The following CEMIP variants were observed in gnomAD, a reference collection of about 807,000 sequenced individuals.
The protein encoded by CEMIP is cell migration inducing hyaluronidase 1.
A neutral mutation model predicts 156.9 loss-of-function variants in CEMIP; 105 were observed. The ratio of observed to expected loss-of-function variants is 0.67; its 90% CI spans 0.57 to 0.79. The LOEUF (loss-of-function observed/expected upper bound fraction) is 0.79. CEMIP is among the 30% of genes least tolerant of loss of function. CEMIP has a pLI of 0.00. For synonymous variants in CEMIP, 676 were observed against 668.4 expected (o/e 1.01, Z -0.17); for missense variants, 1,457 against 1,769.4 (o/e 0.82, Z 3.17).
chr15:80,837,733 C>A (rs1347203915), intron 1 of CEMIP, among the ~76,000 whole-genome samples: 1 of 152,212 alleles, frequency 6.6e-6, no homozygotes, highest in Non-Finnish European at 1.5e-5. Flanking sequence ...TATTTGGGGA[C>A]ATTATTAGTG....
At position 80,895,052 on chromosome 15, in the gene CEMIP, T is replaced by C. The variant is rs143858012; in HGVS notation, c.1149T>C (p.Tyr383=). ...TEVVYKKGQD[Y]RFACYDRGRA... ...TTGTCTACAAAAAAGGCCAGGATTA[T>C]AGGTTTGCTTGCTACGACCGGGGCA... is the stretch of plus-strand genomic sequence containing the variant. Residue 383 remains tyrosine, a synonymous_variant, in exon 11 of 30, where the codon TAT becomes TAC. Transcript: ENST00000394685. 91 of 1,614,198 alleles carry C rather than the reference T, an allele frequency of 5.6e-5. No individual in the cohort carries two copies. Among genetic ancestry groups the C allele is most frequent in the Admixed American group, 8.3e-5 (5 of 60,028 alleles).
At chr15:80,800,790 G>C (rs1156755613) in intron 1 of CEMIP, among the ~76,000 whole-genome samples, 1 of 152,142 alleles carries the variant, frequency 6.6e-6, no homozygotes, top group African/African-American at 2.4e-5. Context: ...TTCAGTACTC[G>C]ATGTAGGGGC....
At chr15:80,940,460 G>A (rs909527503) in intron 25 of CEMIP, among the ~76,000 whole-genome samples, 3 of 152,190 alleles carry the variant, frequency 2.0e-5, no homozygotes, top group Middle Eastern at 6.3e-3. Context: ...CCAGGGAGAC[G>A]TGACCATGGG....
intron 1 of CEMIP, among the ~76,000 whole-genome samples, chr15:80,814,982 G>A (rs145243651): frequency 9.8e-5 from 15 of 152,302 alleles, no homozygotes; most frequent in Admixed American, 2.0e-4. Context: ...CACTGGGCCA[G>A]CCCAACGGTT....
chr15:80,946,917 C>A, intron 28 of CEMIP, 48 bp from the exon 29 acceptor site: 1 of 1,318,546 alleles, frequency 7.6e-7, no homozygotes, highest in Non-Finnish European at 1.1e-6. Context: ...TGCCCACTTT[C>A]TCCAGTTTGC....
chr15:80,856,463 A>G (rs1176386161), intron 1 of CEMIP, among the ~76,000 whole-genome samples: 1 of 152,198 alleles, frequency 6.6e-6, no homozygotes, highest in African/African-American at 2.4e-5. Context: ...TCTAGGTTGC[A>G]CTGTATTAGT....
At chr15:80,883,138 T>C (rs1453586662) in intron 6 of CEMIP, among the ~76,000 whole-genome samples, 2 of 152,226 alleles carry the variant, frequency 1.3e-5, no homozygotes, top group East Asian at 3.8e-4. Context: ...CTTTCCCAGA[T>C]TCATTTTAGA....
chr15:80,825,825 A>C (rs2141665308), intron 1 of CEMIP, among the ~76,000 whole-genome samples: 1 of 152,326 alleles, frequency 6.6e-6, no homozygotes, highest in South Asian at 2.1e-4. Flanking sequence ...TAAGATCTGC[A>C]GATAGCTCTC....
At chr15:80,928,757 G>A in intron 19 of CEMIP, 145 bp from the exon 20 acceptor site, 4 of 1,026,982 alleles carry the variant, frequency 3.9e-6, no homozygotes. Flanking sequence ...ACAACTCCCT[G>A]AGCACGACTC....
chr15:80,816,466 C>T (rs1896791001), intron 1 of CEMIP, among the ~76,000 whole-genome samples: 1 of 152,142 alleles, frequency 6.6e-6, no homozygotes, highest in African/African-American at 2.4e-5. Context: ...ATCACCTCTC[C>T]TCTCCTTGCC....
intron 10 of CEMIP, 32 bp from the exon 11 acceptor site, chr15:80,894,958 A>G: frequency 6.2e-7 from 1 of 1,613,168 alleles, no homozygotes; most frequent in Non-Finnish European, 8.5e-7. Flanking sequence ...AAAAAAAACG[A>G]CTTTGCTCTG....
intron 1 of CEMIP, among the ~76,000 whole-genome samples, chr15:80,819,664 G>A (rs12442574): frequency 0.22 from 33,342 of 152,080 alleles, 3,915 homozygotes; most frequent in East Asian, 0.39. Context: ...TGATGGGCTA[G>A]ATTGCTTTCA....
intron 12 of CEMIP, among the ~76,000 whole-genome samples, chr15:80,896,754 C>T (rs1216160445): frequency 6.6e-6 from 1 of 152,146 alleles, no homozygotes; most frequent in African/African-American, 2.4e-5. Context: ...TGGCTGTTAG[C>T]AACAGAATCC....
At chr15:80,891,164 A>G (rs1318256738) in intron 10 of CEMIP, among the ~76,000 whole-genome samples, 1 of 152,222 alleles carries the variant, frequency 6.6e-6, no homozygotes, top group African/African-American at 2.4e-5. Flanking sequence ...ATGCTCAAGG[A>G]ATGCTTACAT....
intron 1 of CEMIP, among the ~76,000 whole-genome samples, chr15:80,827,541 C>T (rs568932577): frequency 2.0e-5 from 3 of 152,180 alleles, no homozygotes; most frequent in Admixed American, 2.0e-4. Context: ...AACTCTTGAA[C>T]CCGGGAGGTG....
rs115572410 is a variant in CEMIP at position 80,863,866 on chromosome 15, G to A, written c.-175-9672G>A. 3.7e-3 allele frequency among the ~76,000 whole-genome samples: 558 copies of A among 152,180 alleles called. 1 individual carries two copies. The highest frequency in any genetic ancestry group is 0.013 in the African/African-American group (527 of 41,492). On this transcript the variant is annotated intron_variant, in intron 1 of 29. Coordinates refer to ENST00000394685, the MANE Select transcript of CEMIP (RefSeq NM_001293298.2). The stretch of plus-strand genomic sequence containing the variant: ...ATTCATGGAATCCCCCAGAAGGGTG[G>A]GAGTTTAATACTGGGATGGGTAAAC...
In CEMIP at chr15:80,929,186, A is replaced by G; in HGVS notation, c.2612+12A>G. 2 of 1,614,212 alleles carry G rather than the reference A, an allele frequency of 1.2e-6. No individual in the cohort carries two copies. Among genetic ancestry groups the G allele is most frequent in the Admixed American group, 1.7e-5 (1 of 60,028 alleles). On this transcript the variant is annotated intron_variant, in intron 21 of 29. Transcript: ENST00000394685. ...CTCCCTATAGGCCAGTAGGTTTGCA[A>G]CCATGTAGCTCCTTATTCTGAGTGG...
chr15:80,841,514 C>T (rs904465126), intron 1 of CEMIP, among the ~76,000 whole-genome samples: 2 of 152,202 alleles, frequency 1.3e-5, no homozygotes, highest in Non-Finnish European at 2.9e-5. Flanking sequence ...GGGAAGCGGG[C>T]AAGGGATATG....
At chr15:80,839,767 C>T (rs1311345398) in intron 1 of CEMIP, among the ~76,000 whole-genome samples, 2 of 152,204 alleles carry the variant, frequency 1.3e-5, no homozygotes, top group African/African-American at 4.8e-5. Context: ...ATGTGTGGGG[C>T]AATTCACCCT....
Sources: gnomAD v4.1 joint callset for allele counts (sites outside exome capture counted in the v4.1 genomes callset) on GRCh38, gnomAD v4.1.1 for gene constraint, MANE v1.5 for transcripts, NCBI Gene and HGNC (gene_info 2026-07-23, HGNC 2026-07-21) for gene names.